CFAP73: variants seen among roughly 807,000 people sequenced by gnomAD.
CFAP73 encodes cilia and flagella associated protein 73, also known as cilia- and flagella-associated protein 73.
In CFAP73, 33 loss-of-function variants were observed where a neutral mutation model predicts 42.9. That is an observed-to-expected ratio of 0.77 (90% CI 0.58 to 1.03). The LOEUF (loss-of-function observed/expected upper bound fraction) is 1.03. Among genes scored for constraint, CFAP73 ranks in the 50% least tolerant of loss-of-function variants. CFAP73 has a pLI of 0.00. For synonymous variants in CFAP73, 162 were observed against 186.8 expected, an observed-to-expected ratio of 0.87 and a Z score of 1.08; for missense variants, 392 against 411.9, an observed-to-expected ratio of 0.95 and a Z score of 0.42.
intron 2 of CFAP73, 126 bp from the exon 3 acceptor site, chr12:113,152,657 G>T (rs1017810208): frequency 3.0e-5 from 20 of 661,178 alleles, no homozygotes; most frequent in Admixed American, 5.0e-5. Flanking sequence ...TGGGAGCCCC[G>T]GATGGGTTGA....
At position 113,153,758 on chromosome 12, in the gene CFAP73, AT is replaced by A. The variant is rs1283779770; in HGVS notation, c.468+357del. ...CAGGCGCACGCCACCACGCCTAGCTATTTTTTTAAATTATTATTTTTAGTAG... is the reference window on the plus strand; with the variant it reads ...CAGGCGCACGCCACCACGCCTAGCTATTTTTTAAATTATTATTTTTAGTAG... On this transcript the variant is annotated intron_variant, in intron 4 of 7. Coordinates refer to ENST00000335621, the MANE Select transcript of CFAP73 (RefSeq NM_001144872.3). Among the ~76,000 whole-genome samples the A allele has an allele frequency of 3.3e-5, 5 of 151,896 alleles. 1 individual carries two copies. The East Asian group carries it at 9.8e-4, about 30-fold the overall frequency.
Position 113,153,291 on chromosome 12 carries a change from G to C in CFAP73, c.351G>C (p.Leu117=), listed in dbSNP as rs1297025024. Residue 117 remains leucine, a synonymous_variant, in exon 4 of 8, where the codon CTG becomes CTC. Coordinates refer to ENST00000335621, the MANE Select transcript of CFAP73 (RefSeq NM_001144872.3). ...HQAGRREVEA[L]RLWTQLQELR... is the part of the protein sequence containing the mutation. ...CGGGCCGTCGGGAGGTGGAGGCGCTGCGTCTGTGGACCCAGCTCCAGGAGC... is the reference window on the plus strand; with the variant it reads ...CGGGCCGTCGGGAGGTGGAGGCGCTCCGTCTGTGGACCCAGCTCCAGGAGC... 6.6e-7 allele frequency: 1 copy of C among 1,521,566 alleles called. No homozygotes were observed. The highest frequency in any genetic ancestry group is 8.8e-7 in the Non-Finnish European group (1 of 1,140,126). The allele number at this position is 1,521,566 out of a possible 1,614,324, so 94.3% of individuals were successfully genotyped here. A position where few individuals can be genotyped will look rare whatever the true frequency, so the allele number is the denominator to read the frequency against.
rs1592989652 is a variant in CFAP73, at chr12:113,153,075, A to G, written c.268-133A>G. 3.9e-6 allele frequency: 4 copies of G among 1,035,046 alleles called. No individual in the cohort carries two copies. In the East Asian group the frequency reaches 8.0e-5, roughly 21 times the overall value. 64.1% of individuals were successfully genotyped at this position (1,035,046 alleles called of 1,614,324 possible). On this transcript the variant is annotated intron_variant, in intron 3 of 7. Coordinates refer to ENST00000335621, the MANE Select transcript of CFAP73 (RefSeq NM_001144872.3). ...AAAAGCGGGCGGGGGAGTTGGGTGAAGAGCCAGCTTCCGAGCCAGGCCTGC... is the reference window on the plus strand; with the variant it reads ...AAAAGCGGGCGGGGGAGTTGGGTGAGGAGCCAGCTTCCGAGCCAGGCCTGC...
chr12:113,158,776 C>G lies in CFAP73; in HGVS notation c.*87C>G. On this transcript the variant is annotated 3_prime_UTR_variant, in exon 8 of 8. Coordinates refer to ENST00000335621, the MANE Select transcript of CFAP73 (RefSeq NM_001144872.3). This position sits in a 1 kb window ranked among gnomAD's most constrained non-coding sequence, Gnocchi z 4.9. ...ATGATGGCTCCTGCAGGGAGTGCCC[C>G]CAGTGCCCAGCACAGGGCCAGGCAC... 7.7e-7 allele frequency: 1 copy of G among 1,305,108 alleles called. No individual in the cohort carries two copies. Among genetic ancestry groups the G allele is most frequent in the Non-Finnish European group, 1.0e-6 (1 of 961,658 alleles). 80.8% of individuals were successfully genotyped at this position (1,305,108 alleles called of 1,614,324 possible). A position where few individuals can be genotyped will look rare whatever the true frequency, so the allele number is the denominator to read the frequency against.
Position 113,158,875 on chromosome 12 carries a change from C to T in CFAP73, c.*186C>T. 1 of 1,594,088 alleles carries T rather than the reference C, an allele frequency of 6.3e-7. No individual in the cohort carries two copies. The highest frequency in any genetic ancestry group is 8.6e-7 in the Non-Finnish European group (1 of 1,166,146). The stretch of plus-strand genomic sequence containing the variant: ...AGGAGCCACGGGGCTGGGTCCTGGT[C>T]CTCACATCCTCTTCCGCATCTTGCC... On this transcript the variant is annotated 3_prime_UTR_variant, in exon 8 of 8. Transcript: ENST00000335621. The surrounding 1 kb of genome is among the most constrained non-coding windows in gnomAD (Gnocchi z 4.9).
rs978073594 is a variant in CFAP73, at chr12:113,154,264, C to A, written c.469-150C>A. 6 of 975,662 alleles carry A rather than the reference C, an allele frequency of 6.1e-6. No individual in the cohort carries two copies. Among genetic ancestry groups the A allele is most frequent in the South Asian group, 3.0e-5 (2 of 65,996 alleles). 60.4% of individuals were successfully genotyped at this position (975,662 alleles called of 1,614,324 possible). A position where few individuals can be genotyped will look rare whatever the true frequency, so the allele number is the denominator to read the frequency against. On this transcript the variant is annotated intron_variant, in intron 4 of 7. Transcript: ENST00000335621. This position sits in a 1 kb window ranked among gnomAD's most constrained non-coding sequence, Gnocchi z 4.7. ...CTGCACTCCAGCCCAGGTGACAGAG[C>A]GAGACCTTGTCTCTAACAAATGGAG...
At chr12:113,157,534 G>C in intron 6 of CFAP73, 68 bp from the exon 7 acceptor site, 1 of 1,334,748 alleles carries the variant, frequency 7.5e-7, no homozygotes, top group Admixed American at 2.0e-5. Context: ...CCTCCCCCGC[G>C]TGTTGAGGGG....
In CFAP73 at chr12:113,154,425, T is replaced by G. The variant is rs948261094; in HGVS notation, c.480T>G (p.Val160=). Residue 160 remains valine, a synonymous_variant, in exon 5 of 8, where the codon GTT becomes GTG. Coordinates refer to ENST00000335621, the MANE Select transcript of CFAP73 (RefSeq NM_001144872.3). The surrounding 1 kb of genome is among the most constrained non-coding windows in gnomAD (Gnocchi z 4.7). ...GCCCCCGACTCTAGTTCCAAGAGGT[T>G]CCGGAGCTGGTGGCGCGCTTCGACG... ...ALELLPGFQE[V]PELVARFDGL... The G allele has an allele frequency of 1.3e-5, 20 of 1,547,706 alleles. No individual in the cohort carries two copies. The highest frequency in any genetic ancestry group is 1.7e-5 in the Non-Finnish European group (20 of 1,145,842).
rs748058381 is a variant in CFAP73 at position 113,159,147 on chromosome 12, A to G, written c.*458A>G. ...GGATTCAGGGAGCTCAGCTGTTGGG[A>G]TCACTCCCAAGATCCCCTCCTCCCA... is the stretch of plus-strand genomic sequence containing the variant. On this transcript the variant is annotated 3_prime_UTR_variant, in exon 8 of 8. Transcript: ENST00000335621. 34 of 1,543,172 alleles carry G rather than the reference A, an allele frequency of 2.2e-5. No homozygotes were observed. The highest frequency in any genetic ancestry group is 1.9e-4 in the African/African-American group (14 of 73,602).
chr12:113,152,702 G>C lies in CFAP73; in HGVS notation c.163-81G>C. 3 of 955,240 alleles carry C rather than the reference G, an allele frequency of 3.1e-6. No individual in the cohort carries two copies. The South Asian group carries it at 4.3e-5, about 14-fold the overall frequency. 59.2% of individuals were successfully genotyped at this position (955,240 alleles called of 1,614,324 possible). A position where few individuals can be genotyped will look rare whatever the true frequency, so the allele number is the denominator to read the frequency against. On this transcript the variant is annotated intron_variant, in intron 2 of 7. Coordinates refer to ENST00000335621, the MANE Select transcript of CFAP73 (RefSeq NM_001144872.3). ...AGCCACAGATCAGGGACAACAGGTGGAAGGGGTTAGGTGTGAACCTGACAG... is the reference window on the plus strand; with the variant it reads ...AGCCACAGATCAGGGACAACAGGTGCAAGGGGTTAGGTGTGAACCTGACAG...
In CFAP73 at chr12:113,151,949, C is replaced by G; in HGVS notation, c.88C>G (p.Pro30Ala). 1 of 1,551,512 alleles carries G rather than the reference C, an allele frequency of 6.4e-7. No individual in the cohort carries two copies. Among genetic ancestry groups the G allele is most frequent in the South Asian group, 1.2e-5 (1 of 84,036 alleles). Residue 30 changes from proline (P) to alanine (A), a missense_variant, in exon 2 of 8, where the codon CCA becomes GCA. Pro to Ala is a conservative substitution (Grantham distance 27). Coordinates refer to ENST00000335621, the MANE Select transcript of CFAP73 (RefSeq NM_001144872.3). ...GCCAGAGCAGGCTGAGGATCATGTC[C>G]CACCAGTACTGCGTCTCCTGGAGAA... ...KLPEQAEDHV[P>A]PVLRLLEKRQ...
intron 6 of CFAP73, 25 bp from the exon 7 acceptor site, chr12:113,157,577 G>A: frequency 6.5e-7 from 1 of 1,549,802 alleles, no homozygotes; most frequent in Non-Finnish European, 8.7e-7. Context: ...GGGCTGGGAT[G>A]TGACTTCGTG....
At position 113,158,517 on chromosome 12, in the gene CFAP73, A is replaced by C. The variant is rs893837846; in HGVS notation, c.*12-184A>C. 1 of 203,382 alleles carries C rather than the reference A, an allele frequency of 4.9e-6. No homozygotes were observed. Among genetic ancestry groups the C allele is most frequent in the Non-Finnish European group, 9.8e-6 (1 of 102,520 alleles). 12.6% of individuals were successfully genotyped at this position (203,382 alleles called of 1,614,324 possible). ...GCAGTGCTCAATAAAGATTTATTAC[A>C]TTAAAAATTCCATTGCCAAACCCTG... On this transcript the variant is annotated intron_variant, in intron 7 of 7. Coordinates refer to ENST00000335621, the MANE Select transcript of CFAP73 (RefSeq NM_001144872.3). The surrounding 1 kb of genome is among the most constrained non-coding windows in gnomAD (Gnocchi z 4.9).
chr12:113,154,603 C>T lies in CFAP73; in HGVS notation c.658C>T (p.Leu220=). Residue 220 remains leucine (L), a synonymous_variant, in exon 5 of 8, where the codon CTG becomes TTG. Coordinates refer to ENST00000335621, the MANE Select transcript of CFAP73 (RefSeq NM_001144872.3). The surrounding 1 kb of genome is among the most constrained non-coding windows in gnomAD (Gnocchi z 4.7). ...GQRRAQLQER[L]EAARERTLQW... is the part of the protein sequence containing the mutation. ...GCGGCGGGCACAGCTGCAGGAGCGC[C>T]TGGAGGCTGCCAGGGAGCGTACGCT... 7.1e-7 allele frequency: 1 copy of T among 1,415,766 alleles called. No homozygotes were observed. The highest frequency in any genetic ancestry group is 9.1e-7 in the Non-Finnish European group (1 of 1,096,340). The allele number at this position is 1,415,766 out of a possible 1,614,324, so 87.7% of individuals were successfully genotyped here.
At position 113,154,171 on chromosome 12, in the gene CFAP73, T is replaced by C. The variant is rs1016533521; in HGVS notation, c.469-243T>C. Among the ~76,000 whole-genome samples the C allele has an allele frequency of 6.6e-6, 1 of 151,890 alleles. No individual in the cohort carries two copies. Among genetic ancestry groups the C allele is most frequent in the African/African-American group, 2.4e-5 (1 of 41,384 alleles). On this transcript the variant is annotated intron_variant, in intron 4 of 7. Coordinates refer to ENST00000335621, the MANE Select transcript of CFAP73 (RefSeq NM_001144872.3). The surrounding 1 kb of genome is among the most constrained non-coding windows in gnomAD (Gnocchi z 4.7). ...GCGTGTGACTATAGTCCCAGCTACTTTGGAGCGGAGATGGGAGGATCGCTT... is the reference window on the plus strand; with the variant it reads ...GCGTGTGACTATAGTCCCAGCTACTCTGGAGCGGAGATGGGAGGATCGCTT...
intron 6 of CFAP73, chr12:113,157,282 AAT>A (rs1193872578): frequency 2.7e-6 from 1 of 376,518 alleles, no homozygotes; most frequent in Non-Finnish European, 4.9e-6. Context: ...CAAACCAATG[AAT>A]ATGACTGATC....
intron 1 of CFAP73, 88 bp downstream of exon 1, chr12:113,150,001 T>C: frequency 7.4e-7 from 1 of 1,343,740 alleles, no homozygotes; most frequent in Admixed American, 2.0e-5. Context: ...TCCTGGGTCC[T>C]GGCTTTGGGC....
chr12:113,154,767 A>C lies in CFAP73; in HGVS notation c.690+132A>C. 7.5e-7 allele frequency: 1 copy of C among 1,326,848 alleles called. No homozygotes were observed. Among genetic ancestry groups the C allele is most frequent in the Non-Finnish European group, 9.6e-7 (1 of 1,043,572 alleles). 82.2% of individuals were successfully genotyped at this position (1,326,848 alleles called of 1,614,324 possible). A position where few individuals can be genotyped will look rare whatever the true frequency, so the allele number is the denominator to read the frequency against. On this transcript the variant is annotated intron_variant, in intron 5 of 7. Coordinates refer to ENST00000335621, the MANE Select transcript of CFAP73 (RefSeq NM_001144872.3). This position sits in a 1 kb window ranked among gnomAD's most constrained non-coding sequence, Gnocchi z 4.7. Reference sequence around the variant, plus strand: ...AGGGTCCGCTGCACTAAGGAGGGGAATCTCAGGCATCACCGAGCCGTTTCG... The same window carrying C: ...AGGGTCCGCTGCACTAAGGAGGGGACTCTCAGGCATCACCGAGCCGTTTCG...
chr12:113,151,904 T>G lies in CFAP73; in HGVS notation c.57-14T>G. 1 of 1,544,386 alleles carries G rather than the reference T, an allele frequency of 6.5e-7. No individual in the cohort carries two copies. Among genetic ancestry groups the G allele is most frequent in the Non-Finnish European group, 8.8e-7 (1 of 1,140,666 alleles). On this transcript the variant is annotated splice_polypyrimidine_tract_variant and intron_variant, in intron 1 of 7. Transcript: ENST00000335621. ...TGCTTCCTTCACCCCCACCTCCTAC[T>G]TGAGCCTCTTCAGAAAGCTGCCAGA... is the stretch of plus-strand genomic sequence containing the variant.
Sources: allele counts gnomAD v4.1 joint callset (sites outside exome capture counted in the v4.1 genomes callset), GRCh38; gene constraint gnomAD v4.1.1; non-coding constraint Gnocchi (gnomAD v3.1); transcripts MANE v1.5; gene names NCBI Gene and HGNC (gene_info 2026-07-23, HGNC 2026-07-21).